The following CD226 variants were observed in gnomAD, a reference collection of about 807,000 sequenced individuals.
The protein encoded by CD226 is CD226 molecule.
Under a neutral mutation model 34.9 loss-of-function variants are expected in CD226, and 24 were observed. The ratio of observed to expected loss-of-function variants is 0.69; its 90% CI spans 0.50 to 0.97. The LOEUF (loss-of-function observed/expected upper bound fraction) is 0.97. Ranked by LOEUF, CD226 falls within the 50% of genes least tolerant of loss-of-function variation. The probability of loss-of-function intolerance (pLI) is 0.00; values close to 1 mark genes in which losing one functional copy is unlikely to be tolerated. For synonymous variants in CD226, 148 were observed against 147.4 expected, an observed-to-expected ratio of 1.00 and a Z score of -0.03; for missense variants, 397 against 412.7, an observed-to-expected ratio of 0.96 and a Z score of 0.33.
chr18:69,960,121 T>C (rs539875762), upstream of CD226, among the ~76,000 whole-genome samples: 13 of 151,702 alleles, frequency 8.6e-5, no homozygotes, highest in African/African-American at 2.9e-4. Context: ...ACGTCTGTAA[T>C]CCCAGCTACT....
chr18:69,895,774 C>G lies in CD226; in HGVS notation c.654G>C (p.Gly218=), dbSNP rs749971698. ...VIPDVTVSDS[G]LYRCYLQASA... ...TGGCCTGCAAGTAGCAGCGGTAAAGCCCCGAGTCTGAGACTGTGACATCGG... is the reference window on the plus strand; with the variant it reads ...TGGCCTGCAAGTAGCAGCGGTAAAGGCCCGAGTCTGAGACTGTGACATCGG... Residue 218 remains glycine, a synonymous_variant, in exon 3 of 6, where the codon GGG becomes GGC. Coordinates refer to ENST00000582621, the MANE Select transcript of CD226 (RefSeq NM_001303618.2). 1 of 1,614,146 alleles carries G rather than the reference C, an allele frequency of 6.2e-7. No homozygotes were observed. Among genetic ancestry groups the G allele is most frequent in the South Asian group, 1.1e-5 (1 of 91,086 alleles).
chr18:69,960,281 G>C (rs1599041968), upstream of CD226, among the ~76,000 whole-genome samples: 1 of 149,524 alleles, frequency 6.7e-6, no homozygotes, highest in South Asian at 2.2e-4. Context: ...AAAATAAAAA[G>C]AATACAGGCA....
intron 3 of CD226, among the ~76,000 whole-genome samples, chr18:69,895,282 T>G (rs1365843055): frequency 1.3e-5 from 2 of 152,224 alleles, no homozygotes; most frequent in African/African-American, 4.8e-5. Context: ...GCAGCCCTGC[T>G]TCAGCCATAT....
At chr18:69,945,762 A>G (rs960253389) in intron 2 of CD226, among the ~76,000 whole-genome samples, 1 of 152,116 alleles carries the variant, frequency 6.6e-6, no homozygotes, top group Non-Finnish European at 1.5e-5. Context: ...TATTCCCAAG[A>G]CTGGGCAATT....
intron 3 of CD226, among the ~76,000 whole-genome samples, chr18:69,874,879 T>A (rs1473694516): frequency 2.0e-5 from 3 of 152,166 alleles, no homozygotes; most frequent in Non-Finnish European, 4.4e-5. Flanking sequence ...GTCCTCAAGG[T>A]TTATCCACCC....
At chr18:69,938,598 A>T (rs189947435) in intron 2 of CD226, among the ~76,000 whole-genome samples, 1 of 152,242 alleles carries the variant, frequency 6.6e-6, no homozygotes, top group Non-Finnish European at 1.5e-5. Flanking sequence ...TTGCTAGCCA[A>T]GTTGGTCTCT....
intron 3 of CD226, among the ~76,000 whole-genome samples, chr18:69,875,477 AACGAGTGTACCC>A (rs1445106191): frequency 6.6e-6 from 1 of 152,188 alleles, no homozygotes; most frequent in Non-Finnish European, 1.5e-5. Flanking sequence ...CTGTACCAAT[AACGAGTGTACCC>A]ATTTACATTC....
At chr18:69,960,042 C>T (rs1419506321), upstream of CD226, among the ~76,000 whole-genome samples, 1 of 152,028 alleles carries the variant, frequency 6.6e-6, no homozygotes, top group Non-Finnish European at 1.5e-5. Flanking sequence ...AAGTTCGAGA[C>T]CAGCCTAGCC....
rs1430952431 is a variant in CD226, at chr18:69,862,778, G to A, written c.*1536C>T. On this transcript the variant is annotated 3_prime_UTR_variant, in exon 6 of 6. Coordinates refer to ENST00000582621, the MANE Select transcript of CD226 (RefSeq NM_001303618.2). ...AAATTACATCTTAGAATCTGTCTAGGCAACAGGAGAATTTGGATTTGCTTT... is the reference window on the plus strand; with the variant it reads ...AAATTACATCTTAGAATCTGTCTAGACAACAGGAGAATTTGGATTTGCTTT... 6 of 152,086 alleles carry A rather than the reference G, an allele frequency of 3.9e-5. No homozygotes were observed. Among genetic ancestry groups the A allele is most frequent in the Non-Finnish European group, 8.8e-5 (6 of 67,996 alleles). The allele number at this position is 152,086 out of a possible 1,614,324, so 9.4% of individuals were successfully genotyped here.
In CD226 at chr18:69,856,039, G is replaced by A. The variant is rs1174722176; in HGVS notation, c.*8275C>T. The A allele has an allele frequency of 1.3e-5, 2 of 151,940 alleles. No individual in the cohort carries two copies. Among genetic ancestry groups the A allele is most frequent in the Non-Finnish European group, 1.5e-5 (1 of 67,928 alleles). 9.4% of individuals were successfully genotyped at this position (151,940 alleles called of 1,614,324 possible). ...AAAAGTGGGGAAATTACAAATAGAC[G>A]CAACTATACATTGTCTATAAGAAAG... On this transcript the variant is annotated 3_prime_UTR_variant, in exon 6 of 6. Coordinates refer to ENST00000582621, the MANE Select transcript of CD226 (RefSeq NM_001303618.2).
intron 2 of CD226, among the ~76,000 whole-genome samples, chr18:69,930,404 A>G (rs1568199156): frequency 2.0e-5 from 3 of 152,220 alleles, no homozygotes. Context: ...TATTTGTGAA[A>G]GGAGCAAAAG....
At chr18:69,884,861 A>G (rs1003953247) in intron 3 of CD226, among the ~76,000 whole-genome samples, 1 of 152,212 alleles carries the variant, frequency 6.6e-6, no homozygotes, top group Non-Finnish European at 1.5e-5. Flanking sequence ...AATGGGTTGT[A>G]TCTACTTGGC....
intron 3 of CD226, 113 bp from the exon 4 acceptor site, chr18:69,873,359 A>G: frequency 1.7e-6 from 1 of 596,616 alleles, no homozygotes; most frequent in Non-Finnish European, 3.0e-6. Flanking sequence ...AAAACAAAGA[A>G]TCCAACAAAA....
intron 2 of CD226, among the ~76,000 whole-genome samples, chr18:69,914,295 C>T (rs999303738): frequency 2.0e-5 from 3 of 152,146 alleles, no homozygotes; most frequent in African/African-American, 7.2e-5. Context: ...CATATCAGTG[C>T]CATTGGCAAT....
At chr18:69,903,607 C>T (rs182375276) in intron 2 of CD226, among the ~76,000 whole-genome samples, 20 of 152,074 alleles carry the variant, frequency 1.3e-4, no homozygotes, top group African/African-American at 4.6e-4. Context: ...AGGGTGGCCC[C>T]TAATCCAATA....
chr18:69,898,747 G>C (rs1263864779), intron 2 of CD226, among the ~76,000 whole-genome samples: 1 of 152,138 alleles, frequency 6.6e-6, no homozygotes, highest in Non-Finnish European at 1.5e-5. Context: ...AACCTGCCTT[G>C]CCTCAGATAT....
upstream of CD226, among the ~76,000 whole-genome samples, chr18:69,958,788 A>AAC (rs59835947): frequency 0.025 from 3,605 of 143,766 alleles, 154 homozygotes; most frequent in African/African-American, 0.086. Flanking sequence ...TTCACAGGCA[A>AAC]ACACACACAC....
At chr18:69,866,100 A>G (rs2055725063) in intron 5 of CD226, among the ~76,000 whole-genome samples, 1 of 152,206 alleles carries the variant, frequency 6.6e-6, no homozygotes, top group Admixed American at 6.5e-5. Context: ...CTCACATTGC[A>G]AAGAGCAGAA....
chr18:69,885,321 G>T (rs1253231427), intron 3 of CD226, among the ~76,000 whole-genome samples: 5 of 152,198 alleles, frequency 3.3e-5, no homozygotes, highest in South Asian at 2.1e-4. Flanking sequence ...TTTTGGAAGG[G>T]AGATTTTAGA....
Sources: allele counts gnomAD v4.1 joint callset (sites outside exome capture counted in the v4.1 genomes callset), GRCh38; gene constraint gnomAD v4.1.1; transcripts MANE v1.5; gene names NCBI Gene and HGNC (gene_info 2026-07-23, HGNC 2026-07-21).